SNX9: variants seen among roughly 807,000 people sequenced by gnomAD.
SNX9 encodes the protein sorting nexin-9.
In SNX9, 44 loss-of-function variants were observed where a neutral mutation model predicts 89.4. That is an observed-to-expected ratio of 0.49 (90% CI 0.39 to 0.63). The LOEUF is 0.63. Among genes scored for constraint, SNX9 ranks in the 30% least tolerant of loss-of-function variants. SNX9 has a pLI of 0.00. For synonymous variants in SNX9, 236 were observed against 247.8 expected (o/e 0.95, Z 0.45); for missense variants, 578 against 736.1 (o/e 0.79, Z 2.49).
intron 1 of SNX9, among the ~76,000 whole-genome samples, chr6:157,859,179 G>A (rs1782070149): frequency 6.6e-6 from 1 of 152,164 alleles, no homozygotes; most frequent in East Asian, 1.9e-4. Context: ...AAAATTAAAT[G>A]ATATGAAAAG....
At chr6:157,843,161 G>A (rs1451800093) in intron 1 of SNX9, among the ~76,000 whole-genome samples, 1 of 152,168 alleles carries the variant, frequency 6.6e-6, no homozygotes. Flanking sequence ...TACAGCTTAG[G>A]TGGTGCCAGC....
intron 9 of SNX9, among the ~76,000 whole-genome samples, chr6:157,916,439 C>G (rs6925907): frequency 0.22 from 32,954 of 152,114 alleles, 3,643 homozygotes; most frequent in Non-Finnish European, 0.23. Context: ...CCTTATTGCA[C>G]TTGCTAGGAC....
chr6:157,878,821 G>A lies in SNX9; in HGVS notation c.300+3645G>A, dbSNP rs894529009. On this transcript the variant is annotated intron_variant, in intron 4 of 17. Transcript: ENST00000392185. ...AGCAAAAATACTTCTGACTTATGAC[G>A]GATACAGGCTAATTCCATTCATATA... Among the ~76,000 whole-genome samples the A allele has an allele frequency of 4.1e-4, 63 of 152,170 alleles. 1 individual carries two copies. The highest frequency in any genetic ancestry group is 3.1e-3 in the Admixed American group (48 of 15,298).
chr6:157,844,600 G>GTTTTT (rs34836632), intron 1 of SNX9, among the ~76,000 whole-genome samples: 4 of 131,828 alleles, frequency 3.0e-5, no homozygotes, highest in African/African-American at 1.1e-4. Context: ...TTTTTTTTTT[G>GTTTTT]TTTTTTTTTT....
At chr6:157,942,396 G>C (rs1784052830) in intron 17 of SNX9, among the ~76,000 whole-genome samples, 1 of 152,236 alleles carries the variant, frequency 6.6e-6, no homozygotes, top group Non-Finnish European at 1.5e-5. Flanking sequence ...TGACAGCAGG[G>C]TGTGGCCAGG....
chr6:157,927,457 G>A lies in SNX9; in HGVS notation c.1184+243G>A, dbSNP rs1327672539. Reference sequence around the variant, plus strand: ...AAGCCAGTGATTTCATAGTTGACACGGTGCTGAGTAGCTGTTTCCAATAGT... The same window carrying A: ...AAGCCAGTGATTTCATAGTTGACACAGTGCTGAGTAGCTGTTTCCAATAGT... On this transcript the variant is annotated intron_variant, in intron 11 of 17. Transcript: ENST00000392185. 2.6e-5 allele frequency among the ~76,000 whole-genome samples: 4 copies of A among 152,154 alleles called. No homozygotes were observed. The South Asian group carries it at 6.2e-4, about 24-fold the overall frequency.
intron 1 of SNX9, 76 bp from the exon 2 acceptor site, chr6:157,867,470 GT>G: frequency 1.8e-6 from 2 of 1,118,384 alleles, no homozygotes; most frequent in Non-Finnish European, 2.6e-6. Flanking sequence ...TGCTTAGAAA[GT>G]GAACTGTACA....
At chr6:157,928,219 G>A (rs567082341) in intron 11 of SNX9, among the ~76,000 whole-genome samples, 38 of 152,170 alleles carry the variant, frequency 2.5e-4, no homozygotes, top group African/African-American at 8.0e-4. Flanking sequence ...TATTGTCTCC[G>A]TTTCATGGAG....
chr6:157,899,705 C>T (rs879666161), intron 5 of SNX9, among the ~76,000 whole-genome samples: 1 of 152,124 alleles, frequency 6.6e-6, no homozygotes, highest in Admixed American at 6.5e-5. Context: ...ACCCAGGAGG[C>T]GGAGCTTGCA....
chr6:157,903,143 A>T (rs189600423), intron 6 of SNX9, among the ~76,000 whole-genome samples: 1 of 152,124 alleles, frequency 6.6e-6, no homozygotes, highest in Admixed American at 6.5e-5. Flanking sequence ...ATTTTCAAGT[A>T]CTCCTTCCAG....
At chr6:157,897,682 T>C (rs1482866068) in intron 5 of SNX9, among the ~76,000 whole-genome samples, 1 of 151,976 alleles carries the variant, frequency 6.6e-6, no homozygotes, top group Non-Finnish European at 1.5e-5. Context: ...ACCCGGCTGA[T>C]TTTTTGTATT....
chr6:157,919,340 A>G (rs1783536453), intron 9 of SNX9, among the ~76,000 whole-genome samples: 1 of 152,110 alleles, frequency 6.6e-6, no homozygotes, highest in Non-Finnish European at 1.5e-5. Flanking sequence ...TGGGATTCTC[A>G]TTACAAGTGT....
At chr6:157,940,417 T>G (rs1040343192) in intron 16 of SNX9, among the ~76,000 whole-genome samples, 5 of 151,948 alleles carry the variant, frequency 3.3e-5, no homozygotes, top group Non-Finnish European at 7.4e-5. Context: ...ATTAGCTTGT[T>G]TTGTTTTGTT....
intron 4 of SNX9, among the ~76,000 whole-genome samples, chr6:157,891,730 C>T (rs1229132195): frequency 6.6e-6 from 1 of 152,208 alleles, no homozygotes; most frequent in East Asian, 1.9e-4. Flanking sequence ...GGCTGGATGT[C>T]AGCCAGCAGG....
chr6:157,830,803 C>T (rs546384510), intron 1 of SNX9, among the ~76,000 whole-genome samples: 1 of 152,106 alleles, frequency 6.6e-6, no homozygotes, highest in Non-Finnish European at 1.5e-5. Flanking sequence ...ATGAAAATTG[C>T]CTTTTCTCCA....
intron 13 of SNX9, among the ~76,000 whole-genome samples, chr6:157,933,566 G>T (rs1040930337): frequency 6.6e-6 from 1 of 152,198 alleles, no homozygotes; most frequent in African/African-American, 2.4e-5. Context: ...CCAGAAGCGG[G>T]CTTTGAGGTC....
At chr6:157,856,044 C>T (rs982108663) in intron 1 of SNX9, among the ~76,000 whole-genome samples, 56 of 152,324 alleles carry the variant, frequency 3.7e-4, no homozygotes, top group South Asian at 1.4e-3. Flanking sequence ...CCACCACGCC[C>T]GGCCTGTCAT....
chr6:157,923,526 T>C (rs1186620289), intron 10 of SNX9, among the ~76,000 whole-genome samples: 1 of 152,054 alleles, frequency 6.6e-6, no homozygotes, highest in Non-Finnish European at 1.5e-5. Context: ...TAGAAAACTA[T>C]GAAACATTAT....
intron 12 of SNX9, among the ~76,000 whole-genome samples, chr6:157,930,523 A>G (rs1783790323): frequency 1.3e-5 from 2 of 152,178 alleles, no homozygotes; most frequent in Non-Finnish European, 2.9e-5. Flanking sequence ...GTGAAGCTTC[A>G]TCTCTATCTA....
Sources: gnomAD v4.1 joint callset for allele counts (sites outside exome capture counted in the v4.1 genomes callset) on GRCh38, gnomAD v4.1.1 for gene constraint, MANE v1.5 for transcripts, NCBI Gene and HGNC (gene_info 2026-07-23, HGNC 2026-07-21) for gene names.